The following CHCHD3 variants were observed in gnomAD, a reference collection of about 807,000 sequenced individuals.
The protein encoded by CHCHD3 is MICOS complex subunit MIC19.
Under a neutral mutation model 38.2 loss-of-function variants are expected in CHCHD3, and 20 were observed. That is an observed-to-expected ratio of 0.52 (90% CI 0.37 to 0.76). The LOEUF is 0.76. CHCHD3 is among the 30% of genes least tolerant of loss of function. The pLI is 0.00. For synonymous variants in CHCHD3, 82 were observed against 100.0 expected, an observed-to-expected ratio of 0.82 and a Z score of 1.07; for missense variants, 245 against 279.2, an observed-to-expected ratio of 0.88 and a Z score of 0.87.
intron 4 of CHCHD3, among the ~76,000 whole-genome samples, chr7:132,937,285 G>C (rs1365121832): frequency 6.6e-6 from 1 of 152,180 alleles, no homozygotes. Context: ...ATTTGCTCAT[G>C]TATACAGCTA....
At chr7:132,895,697 C>T (rs1035029074) in intron 4 of CHCHD3, among the ~76,000 whole-genome samples, 1 of 152,234 alleles carries the variant, frequency 6.6e-6, no homozygotes, top group African/African-American at 2.4e-5. Context: ...GCTCTCTTTG[C>T]CTGCCACTAT....
intron 2 of CHCHD3, among the ~76,000 whole-genome samples, chr7:133,027,369 G>GAGAGAGAA (rs1414765058): frequency 7.4e-6 from 1 of 135,112 alleles, no homozygotes; most frequent in Non-Finnish European, 1.5e-5. Context: ...TTGTAAGAGA[G>GAGAGAGAA]AGAGAGAGAG....
intron 3 of CHCHD3, among the ~76,000 whole-genome samples, chr7:133,010,395 C>T (rs1812832812): frequency 6.6e-6 from 1 of 152,152 alleles, no homozygotes. Context: ...GCACAGTACA[C>T]AGTGGACAAT....
Position 132,866,078 on chromosome 7 carries a change from C to T in CHCHD3, c.453+19584G>A, listed in dbSNP as rs115674914. On this transcript the variant is annotated intron_variant, in intron 5 of 7. Transcript: ENST00000262570. ...CTTGTGGACAGGAACCATTTCCAATCTATGGACAACGTTAAAGGAGGAACT... is the reference window on the plus strand; with the variant it reads ...CTTGTGGACAGGAACCATTTCCAATTTATGGACAACGTTAAAGGAGGAACT... Among the ~76,000 whole-genome samples the T allele has an allele frequency of 5.8e-3, 888 of 152,254 alleles. 11 individuals are homozygous for T. The highest frequency in any genetic ancestry group is 0.02 in the African/African-American group (825 of 41,560).
intron 4 of CHCHD3, among the ~76,000 whole-genome samples, chr7:132,937,860 T>G (rs574755776): frequency 6.6e-6 from 1 of 152,216 alleles, no homozygotes; most frequent in Non-Finnish European, 1.5e-5. Context: ...GGCTGGTATT[T>G]CAGCCTGTGC....
At chr7:133,015,922 T>C (rs1342615771) in intron 3 of CHCHD3, among the ~76,000 whole-genome samples, 1 of 120,982 alleles carries the variant, frequency 8.3e-6, no homozygotes, top group East Asian at 2.4e-4. Flanking sequence ...ACATCTTTTA[T>C]GGCCAGAGAA....
At chr7:132,827,972 C>A (rs1296221214) in intron 6 of CHCHD3, among the ~76,000 whole-genome samples, 2 of 152,310 alleles carry the variant, frequency 1.3e-5, no homozygotes, top group East Asian at 1.9e-4. Flanking sequence ...CTGCAGGATA[C>A]CACTGAGTTG....
chr7:132,848,726 T>C (rs1030582371), intron 5 of CHCHD3, among the ~76,000 whole-genome samples: 1 of 152,206 alleles, frequency 6.6e-6, no homozygotes, highest in African/African-American at 2.4e-5. Context: ...AAGTCTGTTA[T>C]AGGTGGGCAG....
intron 5 of CHCHD3, among the ~76,000 whole-genome samples, chr7:132,884,039 C>T (rs1304142337): frequency 6.6e-6 from 1 of 152,136 alleles, no homozygotes; most frequent in Non-Finnish European, 1.5e-5. Flanking sequence ...CATTACTTCC[C>T]CTGTCGGCAC....
At chr7:132,885,155 G>A (rs1469833286) in intron 5 of CHCHD3, among the ~76,000 whole-genome samples, 1 of 152,174 alleles carries the variant, frequency 6.6e-6, no homozygotes, top group African/African-American at 2.4e-5. Context: ...AGGAGGCTAA[G>A]GCATGGGAAT....
At chr7:132,976,638 T>C (rs1327385039) in intron 3 of CHCHD3, among the ~76,000 whole-genome samples, 2 of 152,176 alleles carry the variant, frequency 1.3e-5, no homozygotes, top group African/African-American at 4.8e-5. Context: ...AAAGGAAAAG[T>C]AAAATTGTTA....
At chr7:132,882,945 C>G (rs1809104027) in intron 5 of CHCHD3, among the ~76,000 whole-genome samples, 1 of 152,086 alleles carries the variant, frequency 6.6e-6, no homozygotes, top group African/African-American at 2.4e-5. Context: ...TGGGAGGTAA[C>G]TGGATCATGG....
At chr7:132,852,308 A>G (rs982731730) in intron 5 of CHCHD3, among the ~76,000 whole-genome samples, 3 of 152,132 alleles carry the variant, frequency 2.0e-5, no homozygotes, top group African/African-American at 7.2e-5. Context: ...TTGAAAGGCT[A>G]TTGGACAGAG....
intron 5 of CHCHD3, among the ~76,000 whole-genome samples, chr7:132,867,873 T>C (rs1390237249): frequency 1.3e-5 from 2 of 152,138 alleles, no homozygotes; most frequent in African/African-American, 4.8e-5. Context: ...CTATGGGAAA[T>C]GTTTTAACTG....
chr7:133,044,574 C>A (rs1813922915), intron 2 of CHCHD3, among the ~76,000 whole-genome samples: 1 of 152,182 alleles, frequency 6.6e-6, no homozygotes, highest in South Asian at 2.1e-4. Flanking sequence ...TTAAAATAAT[C>A]TGTCCTCAGA....
At position 132,951,909 on chromosome 7, in the gene CHCHD3, C is replaced by T. The variant is rs188750825; in HGVS notation, c.369+23260G>A. On this transcript the variant is annotated intron_variant, in intron 4 of 7. Transcript: ENST00000262570. ...AGAGCCCATAAATCATGTCTTTTGT[C>T]TCTAAAGCCAGTGCTCTCTTCTCTA... Among the ~76,000 whole-genome samples, 335 of 152,282 alleles carry T rather than the reference C, an allele frequency of 2.2e-3. 1 individual carries two copies. Among genetic ancestry groups the T allele is most frequent in the Non-Finnish European group, 3.0e-3 (203 of 68,024 alleles).
intron 5 of CHCHD3, among the ~76,000 whole-genome samples, chr7:132,882,461 C>CTATATATA (rs71178065): frequency 5.4e-4 from 73 of 135,014 alleles, no homozygotes; most frequent in African/African-American, 1.9e-3. Flanking sequence ...ACAATATATT[C>CTATATATA]TATATATATA....
intron 4 of CHCHD3, among the ~76,000 whole-genome samples, chr7:132,968,690 C>G (rs1223616806): frequency 2.0e-5 from 3 of 152,200 alleles, no homozygotes; most frequent in African/African-American, 7.2e-5. Flanking sequence ...CGGGAAACCA[C>G]TGCTTACACT....
intron 4 of CHCHD3, among the ~76,000 whole-genome samples, chr7:132,964,604 G>A (rs1040421459): frequency 4.6e-5 from 7 of 152,102 alleles, no homozygotes; most frequent in Admixed American, 4.6e-4. Context: ...GAAAGTTTCT[G>A]CCTTTATATA....
Sources: gnomAD v4.1 joint callset for allele counts (sites outside exome capture counted in the v4.1 genomes callset) on GRCh38, gnomAD v4.1.1 for gene constraint, MANE v1.5 for transcripts, NCBI Gene and HGNC (gene_info 2026-07-23, HGNC 2026-07-21) for gene names.